SPINK8: variants seen among roughly 807,000 people sequenced by gnomAD.
SPINK8 encodes serine peptidase inhibitor Kazal type 8 (putative), also known as serine protease inhibitor Kazal-type 8.
A neutral mutation model predicts 14.4 loss-of-function variants in SPINK8; 12 were observed. That is an observed-to-expected ratio of 0.83 (90% confidence interval 0.53 to 1.35). SPINK8 has a LOEUF of 1.35. Ranked by LOEUF, SPINK8 falls within the 40% of genes most tolerant of loss-of-function variation. SPINK8 has a pLI of 0.00. For synonymous variants in SPINK8, 32 were observed against 37.6 expected (o/e 0.85, Z 0.55); for missense variants, 103 against 117.0 (o/e 0.88, Z 0.55).
intron 5 of SPINK8, 107 bp from the exon 6 acceptor site, chr3:48,319,725 G>A: frequency 6.8e-7 from 1 of 1,476,554 alleles, no homozygotes; most frequent in Non-Finnish European, 9.1e-7. Flanking sequence ...CAGATCAGGA[G>A]TTCAGAGAAA....
intron 6 of SPINK8, among the ~76,000 whole-genome samples, chr3:48,317,231 G>C (rs550633971): frequency 6.6e-6 from 1 of 152,314 alleles, no homozygotes; most frequent in East Asian, 1.9e-4. Context: ...GCTCATGCCT[G>C]TAATCCCAGC....
chr3:48,313,553 G>A lies in SPINK8; in HGVS notation c.240-3607C>T, dbSNP rs556720346. Among the ~76,000 whole-genome samples, 3 of 152,296 alleles carry A rather than the reference G, an allele frequency of 2.0e-5. No homozygotes were observed. In the South Asian group the frequency reaches 6.2e-4, roughly 32 times the overall value. On this transcript the variant is annotated intron_variant, in intron 6 of 7. Coordinates refer to ENST00000434006, the MANE Select transcript of SPINK8 (RefSeq NM_001080525.3). Reference sequence around the variant, plus strand: ...TGGTTCAGCCCCTATAGAAAAGTTTGATGGTTCCTCAAAAAGTTAAACACA... The same window carrying A: ...TGGTTCAGCCCCTATAGAAAAGTTTAATGGTTCCTCAAAAAGTTAAACACA...
At chr3:48,328,926 C>T (rs34076262) in intron 3 of SPINK8, among the ~76,000 whole-genome samples, 32,811 of 152,122 alleles carry the variant, frequency 0.22, 4,356 homozygotes, top group South Asian at 0.3. Context: ...GAAAGGAAAA[C>T]CATAGTATAT....
At chr3:48,307,913 C>G (rs1214372921) in intron 7 of SPINK8, among the ~76,000 whole-genome samples, 1 of 148,934 alleles carries the variant, frequency 6.7e-6, no homozygotes, top group African/African-American at 2.5e-5. Context: ...GTGGTACTAG[C>G]TCTAGATCAC....
chr3:48,331,201 C>T (rs955010702), intron 2 of SPINK8, among the ~76,000 whole-genome samples: 1 of 152,136 alleles, frequency 6.6e-6, no homozygotes, highest in East Asian at 1.9e-4. Context: ...AGTGGGGTTT[C>T]CTTTAGAAAA....
chr3:48,321,220 C>A, intron 4 of SPINK8, 146 bp from the exon 5 acceptor site: 1 of 656,124 alleles, frequency 1.5e-6, no homozygotes, highest in Non-Finnish European at 2.5e-6. Flanking sequence ...TGCAAGCTGC[C>A]CTCTAAAGGA....
intron 6 of SPINK8, among the ~76,000 whole-genome samples, chr3:48,314,765 A>G (rs1416838321): frequency 6.6e-6 from 1 of 152,236 alleles, no homozygotes; most frequent in African/African-American, 2.4e-5. Flanking sequence ...GTGAAAAACA[A>G]TAGGTTAACC....
chr3:48,324,582 AT>A (rs1373682771), intron 4 of SPINK8, among the ~76,000 whole-genome samples: 2 of 152,178 alleles, frequency 1.3e-5, no homozygotes, highest in Non-Finnish European at 1.5e-5. Context: ...AATATATTAC[AT>A]TTCTATATGT....
At chr3:48,310,554 G>A (rs1045628366) in intron 6 of SPINK8, among the ~76,000 whole-genome samples, 3 of 139,802 alleles carry the variant, frequency 2.1e-5, no homozygotes, top group Non-Finnish European at 4.9e-5. Context: ...CTGGAGTGCA[G>A]TGGCACGATC....
chr3:48,319,988 G>A (rs908885967), intron 5 of SPINK8, among the ~76,000 whole-genome samples: 1 of 151,756 alleles, frequency 6.6e-6, no homozygotes, highest in African/African-American at 2.4e-5. Context: ...AAATTAGCCG[G>A]GCGTGGTGGT....
chr3:48,330,642 C>G (rs2036241969), intron 2 of SPINK8, among the ~76,000 whole-genome samples: 1 of 152,038 alleles, frequency 6.6e-6, no homozygotes, highest in Non-Finnish European at 1.5e-5. Context: ...TTGTCCCTCC[C>G]CTGTGTTCTC....
At chr3:48,321,222 T>C in intron 4 of SPINK8, 148 bp from the exon 5 acceptor site, 1 of 643,260 alleles carries the variant, frequency 1.6e-6, no homozygotes, top group Non-Finnish European at 2.5e-6. Flanking sequence ...CAAGCTGCCC[T>C]CTAAAGGAGC....
At chr3:48,330,631 A>G (rs1401888313) in intron 2 of SPINK8, among the ~76,000 whole-genome samples, 1 of 151,906 alleles carries the variant, frequency 6.6e-6, no homozygotes, top group Non-Finnish European at 1.5e-5. Context: ...TATCCCGATC[A>G]TTGTCCCTCC....
At chr3:48,323,821 C>T (rs546724062) in intron 4 of SPINK8, among the ~76,000 whole-genome samples, 2 of 152,174 alleles carry the variant, frequency 1.3e-5, no homozygotes, top group South Asian at 2.1e-4. Context: ...TTTCATAAAA[C>T]GTATGACTGA....
rs2036044479 is a variant in SPINK8 at position 48,319,691 on chromosome 3, G to A, written c.118-73C>T. 2.5e-6 allele frequency: 4 copies of A among 1,591,568 alleles called. No homozygotes were observed. The South Asian group carries it at 3.4e-5, about 14-fold the overall frequency. On this transcript the variant is annotated intron_variant, in intron 5 of 7. Coordinates refer to ENST00000434006, the MANE Select transcript of SPINK8 (RefSeq NM_001080525.3). ...CTTTGGCCGTTATTATGTATAGCTT[G>A]GGAGGTGGATGGAATACGAGCACCA...
chr3:48,309,373 T>G (rs1354006544), intron 7 of SPINK8, among the ~76,000 whole-genome samples: 2 of 152,174 alleles, frequency 1.3e-5, no homozygotes, highest in African/African-American at 4.8e-5. Context: ...ACTCTCAGAA[T>G]AACTGTTCAC....
chr3:48,330,997 C>T (rs1313863931), intron 2 of SPINK8, among the ~76,000 whole-genome samples: 2 of 151,960 alleles, frequency 1.3e-5, no homozygotes, highest in Non-Finnish European at 2.9e-5. Context: ...ATCAATATCA[C>T]AGCATGGGCT....
At chr3:48,315,760 G>C (rs2035981258) in intron 6 of SPINK8, among the ~76,000 whole-genome samples, 1 of 131,222 alleles carries the variant, frequency 7.6e-6, no homozygotes, top group African/African-American at 2.7e-5. Flanking sequence ...GAAGGAAACT[G>C]TATGTAAAGA....
intron 6 of SPINK8, among the ~76,000 whole-genome samples, chr3:48,314,604 G>T (rs548413199): frequency 7.2e-5 from 11 of 152,208 alleles, no homozygotes; most frequent in African/African-American, 1.9e-4. Context: ...GACCTGTCTG[G>T]GTGGTTCTCT....
Sources: gnomAD v4.1 joint callset for allele counts (sites outside exome capture counted in the v4.1 genomes callset) on GRCh38, gnomAD v4.1.1 for gene constraint, MANE v1.5 for transcripts, NCBI Gene and HGNC (gene_info 2026-07-23, HGNC 2026-07-21) for gene names.